The following TDRP variants were observed in gnomAD, a reference collection of about 807,000 sequenced individuals.
The protein encoded by TDRP is testis development-related protein.
A neutral mutation model predicts 10.5 loss-of-function variants in TDRP; 12 were observed. That is an observed-to-expected ratio of 1.15 (90% CI 0.73 to 1.86). The LOEUF (loss-of-function observed/expected upper bound fraction) is 1.86, where lower values mean the gene tolerates loss of function less well. TDRP is among the 40% of genes most tolerant of loss of function. The probability of loss-of-function intolerance (pLI) is 0.00; values close to 1 mark genes in which losing one functional copy is unlikely to be tolerated. For missense variants in TDRP, 353 were observed against 229.2 expected (o/e 1.54, Z -3.49); for synonymous variants, 139 against 95.4 (o/e 1.46, Z -2.67).
chr8:495,279 C>A (rs1391884248), intron 1 of TDRP, among the ~76,000 whole-genome samples: 3 of 152,138 alleles, frequency 2.0e-5, no homozygotes, highest in African/African-American at 4.8e-5. Context: ...AGGAGACTGA[C>A]CTTTGAGAAG....
intron 1 of TDRP, among the ~76,000 whole-genome samples, chr8:540,257 C>T (rs1229413890): frequency 6.6e-6 from 1 of 152,086 alleles, no homozygotes; most frequent in Non-Finnish European, 1.5e-5. Flanking sequence ...ATTTAGTATC[C>T]CACAGCCTTA....
At chr8:499,778 C>T (rs1341681707) in intron 1 of TDRP, among the ~76,000 whole-genome samples, 3 of 152,240 alleles carry the variant, frequency 2.0e-5, no homozygotes, top group Non-Finnish European at 4.4e-5. Context: ...GGAAAGTCCT[C>T]ACCTGAGCAC....
Position 540,337 on chromosome 8 carries a change from C to G in TDRP, c.108+4313G>C, listed in dbSNP as rs552219883. ...CATGAGACACATATTATGAAGGGAA[C>G]TCAAGGTACAGAAAAATGTTAACAG... On this transcript the variant is annotated intron_variant, in intron 1 of 2. Coordinates refer to ENST00000324079, the MANE Select transcript of TDRP (RefSeq NM_001384899.1). 2.0e-5 allele frequency among the ~76,000 whole-genome samples: 3 copies of G among 152,300 alleles called. No individual in the cohort carries two copies. In the South Asian group the frequency reaches 6.2e-4, roughly 32 times the overall value.
intron 1 of TDRP, among the ~76,000 whole-genome samples, chr8:499,917 G>C (rs1214458383): frequency 6.6e-6 from 1 of 152,194 alleles, no homozygotes; most frequent in Non-Finnish European, 1.5e-5. Flanking sequence ...TCATGGTATG[G>C]GGCATGAAGA....
In TDRP at chr8:492,118, A is replaced by G; in HGVS notation, c.*281T>C. The G allele has an allele frequency of 8.1e-7, 1 of 1,227,802 alleles. No individual in the cohort carries two copies. The highest frequency in any genetic ancestry group is 1.0e-6 in the Non-Finnish European group (1 of 985,080). 76.1% of individuals were successfully genotyped at this position (1,227,802 alleles called of 1,614,324 possible). A position where few individuals can be genotyped will look rare whatever the true frequency, so the allele number is the denominator to read the frequency against. ...AACTGCAAATCATTACTGCTGTATT[A>G]TGGGAGAGCATCATAAATTCACATC... is the stretch of plus-strand genomic sequence containing the variant. On this transcript the variant is annotated 3_prime_UTR_variant, in exon 3 of 3. Transcript: ENST00000324079.
intron 1 of TDRP, among the ~76,000 whole-genome samples, chr8:516,573 T>G (rs1801762057): frequency 6.6e-6 from 1 of 152,138 alleles, no homozygotes; most frequent in Non-Finnish European, 1.5e-5. Flanking sequence ...GCCACACACC[T>G]ATCAGAACTG....
Position 490,660 on chromosome 8 carries a change from T to C in TDRP, c.*1739A>G, listed in dbSNP as rs1800943353. 1 of 152,228 alleles carries C rather than the reference T, an allele frequency of 6.6e-6. No homozygotes were observed. Among genetic ancestry groups the C allele is most frequent in the Non-Finnish European group, 1.5e-5 (1 of 68,046 alleles). The allele number at this position is 152,228 out of a possible 1,614,324, so 9.4% of individuals were successfully genotyped here. ...TTTACTATCCCAGCAAGCACTTCTC[T>C]AGGGAAAAGGACAGTTATGACTATT... On this transcript the variant is annotated 3_prime_UTR_variant, in exon 3 of 3. Coordinates refer to ENST00000324079, the MANE Select transcript of TDRP (RefSeq NM_001384899.1).
chr8:496,048 C>T (rs946390066), intron 1 of TDRP, among the ~76,000 whole-genome samples: 1 of 152,220 alleles, frequency 6.6e-6, no homozygotes, highest in African/African-American at 2.4e-5. Context: ...TGGCAGTACC[C>T]ACGCCAAAGA....
At chr8:493,584 C>T (rs189159676) in intron 2 of TDRP, among the ~76,000 whole-genome samples, 2 of 152,368 alleles carry the variant, frequency 1.3e-5, no homozygotes, top group Admixed American at 1.3e-4. Context: ...TTCCATAACA[C>T]GGAGCAAATA....
In TDRP at chr8:533,838, T is replaced by C. The variant is rs573657809; in HGVS notation, c.108+10812A>G. On this transcript the variant is annotated intron_variant, in intron 1 of 2. Coordinates refer to ENST00000324079, the MANE Select transcript of TDRP (RefSeq NM_001384899.1). The stretch of plus-strand genomic sequence containing the variant: ...CCGGTTCTCTTTCCTCGCAATGTTC[T>C]AGCGCTTCTCACTTGCTAATTTACC... Among the ~76,000 whole-genome samples, 8 of 152,344 alleles carry C rather than the reference T, an allele frequency of 5.3e-5. No individual in the cohort carries two copies. In the East Asian group the frequency reaches 1.2e-3, roughly 22 times the overall value.
At chr8:530,879 T>C (rs1274311553) in intron 1 of TDRP, among the ~76,000 whole-genome samples, 2 of 152,164 alleles carry the variant, frequency 1.3e-5, no homozygotes, top group Non-Finnish European at 2.9e-5. Flanking sequence ...AACCACACGC[T>C]CTCTCCTGAC....
chr8:501,505 C>A (rs1427808044), intron 1 of TDRP, among the ~76,000 whole-genome samples: 1 of 151,882 alleles, frequency 6.6e-6, no homozygotes, highest in Non-Finnish European at 1.5e-5. Flanking sequence ...GGCCACCACA[C>A]CCAGCTAATT....
At position 538,689 on chromosome 8, in the gene TDRP, T is replaced by C. The variant is rs771668283; in HGVS notation, c.108+5961A>G. Among the ~76,000 whole-genome samples the C allele has an allele frequency of 2.0e-5, 3 of 152,216 alleles. No homozygotes were observed. In the East Asian group the frequency reaches 5.8e-4, roughly 29 times the overall value. On this transcript the variant is annotated intron_variant, in intron 1 of 2. Coordinates refer to ENST00000324079, the MANE Select transcript of TDRP (RefSeq NM_001384899.1). Reference sequence around the variant, plus strand: ...TACAGTTATCTTGACTACAGTTCCATACATTCAATGACATGGTAGTGGGAC... The same window carrying C: ...TACAGTTATCTTGACTACAGTTCCACACATTCAATGACATGGTAGTGGGAC...
chr8:535,832 C>A (rs374127379), intron 1 of TDRP, among the ~76,000 whole-genome samples: 4 of 134,762 alleles, frequency 3.0e-5, no homozygotes, highest in Non-Finnish European at 4.9e-5. Flanking sequence ...CAGGTCTCAG[C>A]GTAGGGGTGG....
intron 1 of TDRP, among the ~76,000 whole-genome samples, chr8:528,326 C>T (rs1304802658): frequency 6.6e-6 from 1 of 152,114 alleles, no homozygotes; most frequent in Non-Finnish European, 1.5e-5. Flanking sequence ...TAAAATAGTA[C>T]AGCCACTATG....
chr8:528,809 G>C (rs550570120), intron 1 of TDRP, among the ~76,000 whole-genome samples: 93 of 152,038 alleles, frequency 6.1e-4, no homozygotes, highest in Middle Eastern at 3.4e-3. Flanking sequence ...ATATAACTAT[G>C]TGTGTGTGTA....
rs1206190038 is a variant in TDRP, at chr8:492,264, G to C, written c.*135C>G. ...TGTGTGTGAGAGTTCATTAAATAAA[G>C]AAACAGAGGTCCAAATATCAAATAT... On this transcript the variant is annotated 3_prime_UTR_variant, in exon 3 of 3. Transcript: ENST00000324079. 2 of 1,333,738 alleles carry C rather than the reference G, an allele frequency of 1.5e-6. No individual in the cohort carries two copies. Among genetic ancestry groups the C allele is most frequent in the African/African-American group, 1.5e-5 (1 of 67,164 alleles). 82.6% of individuals were successfully genotyped at this position (1,333,738 alleles called of 1,614,324 possible). A position where few individuals can be genotyped will look rare whatever the true frequency, so the allele number is the denominator to read the frequency against.
At chr8:538,797 A>G (rs1189539252) in intron 1 of TDRP, among the ~76,000 whole-genome samples, 1 of 152,224 alleles carries the variant, frequency 6.6e-6, no homozygotes, top group Non-Finnish European at 1.5e-5. Flanking sequence ...AAGGCAAATT[A>G]AAATCACATT....
chr8:519,000 A>G (rs1801827375), intron 1 of TDRP, among the ~76,000 whole-genome samples: 1 of 152,168 alleles, frequency 6.6e-6, no homozygotes, highest in South Asian at 2.1e-4. Flanking sequence ...GTCTGTCACC[A>G]GAAATGCCAA....
Sources: allele counts gnomAD v4.1 joint callset (sites outside exome capture counted in the v4.1 genomes callset), GRCh38; gene constraint gnomAD v4.1.1; transcripts MANE v1.5; gene names NCBI Gene and HGNC (gene_info 2026-07-23, HGNC 2026-07-21).